IQCJ: variants seen among roughly 807,000 people sequenced by gnomAD.
The protein encoded by IQCJ is IQ motif containing J.
IQCJ carries 9 observed loss-of-function variants against 11.0 expected under a neutral mutation model. The ratio of observed to expected loss-of-function variants is 0.82; its 90% CI spans 0.49 to 1.43. IQCJ has a LOEUF of 1.43. Among genes scored for constraint, IQCJ ranks in the 40% most tolerant of loss-of-function variants. The probability of loss-of-function intolerance (pLI) is 0.00; values close to 1 mark genes in which losing one functional copy is unlikely to be tolerated. For missense variants in IQCJ, 146 were observed against 133.2 expected (o/e 1.10, Z -0.47); for synonymous variants, 55 against 51.3 (o/e 1.07, Z -0.31).
At chr3:159,155,716 T>C (rs141976576) in intron 1 of IQCJ, among the ~76,000 whole-genome samples, 2,918 of 152,330 alleles carry the variant, frequency 0.019, 52 homozygotes, top group Non-Finnish European at 0.031. Flanking sequence ...CAATTTCAAT[T>C]AGCCTTTTTA....
chr3:159,260,949 G>A (rs780257128), intron 3 of IQCJ, among the ~76,000 whole-genome samples: 7 of 152,100 alleles, frequency 4.6e-5, no homozygotes, highest in Non-Finnish European at 8.8e-5. Context: ...TCAGGGAATT[G>A]GCTACTGACC....
chr3:159,263,386 C>A lies in IQCJ; in HGVS notation c.*655C>A, dbSNP rs1290545932. The A allele has an allele frequency of 3.2e-5, 30 of 951,346 alleles. No homozygotes were observed. Among genetic ancestry groups the A allele is most frequent in the Non-Finnish European group, 3.8e-5 (30 of 798,980 alleles). The allele number at this position is 951,346 out of a possible 1,614,324, so 58.9% of individuals were successfully genotyped here. On this transcript the variant is annotated 3_prime_UTR_variant, in exon 4 of 4. Transcript: ENST00000397832. ...CAGACCACAATTGACCTACAGGCCA[C>A]CAGTTTAAGAAATCTGAGATAGAGA...
chr3:159,188,240 G>C (rs1170854238), intron 1 of IQCJ, among the ~76,000 whole-genome samples: 1 of 152,052 alleles, frequency 6.6e-6, no homozygotes, highest in Non-Finnish European at 1.5e-5. Flanking sequence ...GTGAAACCTT[G>C]TCTCTATTAA....
intron 1 of IQCJ, among the ~76,000 whole-genome samples, chr3:159,105,050 G>C (rs1289059438): frequency 1.3e-5 from 2 of 152,194 alleles, no homozygotes; most frequent in Admixed American, 6.5e-5. Context: ...ATAAACAAAT[G>C]TGTGAATGAA....
chr3:159,256,658 T>C (rs1297185050), intron 3 of IQCJ, among the ~76,000 whole-genome samples: 1 of 152,216 alleles, frequency 6.6e-6, no homozygotes, highest in East Asian at 1.9e-4. Flanking sequence ...TATTAAATTG[T>C]AGTCAGCTTT....
At chr3:159,200,207 C>T (rs567659078) in intron 1 of IQCJ, among the ~76,000 whole-genome samples, 15 of 150,276 alleles carry the variant, frequency 1.0e-4, no homozygotes, top group African/African-American at 3.7e-4. Flanking sequence ...GAGTGGATAA[C>T]ATTGAGATTC....
Position 159,262,590 on chromosome 3 carries a change from C to G in IQCJ, c.198C>G (p.Pro66=). 4 of 1,613,886 alleles carry G rather than the reference C, an allele frequency of 2.5e-6. No homozygotes were observed. The highest frequency in any genetic ancestry group is 3.4e-6 in the Non-Finnish European group (4 of 1,179,832). Residue 66 remains proline, a synonymous_variant, in exon 4 of 4, where the codon CCC becomes CCG. Transcript: ENST00000397832. ...GAGAGTACCTGCAGCGGCAGGAGCC[C>G]CTGGGGAAGAGGAGCCCGTCCCCAC... ...AWREYLQRQE[P]LGKRSPSPPS...
intron 3 of IQCJ, among the ~76,000 whole-genome samples, chr3:159,254,561 C>A (rs1727784521): frequency 1.3e-5 from 2 of 152,184 alleles, no homozygotes; most frequent in African/African-American, 4.8e-5. Flanking sequence ...TAGTCTAGTT[C>A]AGTGACTTTT....
At chr3:159,080,421 C>T (rs1716230872) in intron 1 of IQCJ, among the ~76,000 whole-genome samples, 1 of 152,066 alleles carries the variant, frequency 6.6e-6, no homozygotes, top group Non-Finnish European at 1.5e-5. Context: ...ATCCCTTCTC[C>T]ACCACACTAG....
At chr3:159,191,772 G>A (rs1355998738) in intron 1 of IQCJ, among the ~76,000 whole-genome samples, 1 of 152,184 alleles carries the variant, frequency 6.6e-6, no homozygotes, top group Non-Finnish European at 1.5e-5. Context: ...TCTGGTACAA[G>A]TTAGTATAAA....
chr3:159,223,102 A>G (rs1211423333), intron 1 of IQCJ, among the ~76,000 whole-genome samples: 1 of 152,160 alleles, frequency 6.6e-6, no homozygotes, highest in Non-Finnish European at 1.5e-5. Flanking sequence ...ACTTCCAAGT[A>G]TACAGAGCAC....
At chr3:159,129,750 G>A (rs1448401748) in intron 1 of IQCJ, among the ~76,000 whole-genome samples, 1 of 152,126 alleles carries the variant, frequency 6.6e-6, no homozygotes, top group Non-Finnish European at 1.5e-5. Context: ...CCCTGATGTA[G>A]ATTCATACAC....
chr3:159,126,079 A>G (rs1218824298), intron 1 of IQCJ, among the ~76,000 whole-genome samples: 1 of 152,188 alleles, frequency 6.6e-6, no homozygotes. Flanking sequence ...TTGAAATTCC[A>G]TGTATAAGCT....
intron 1 of IQCJ, among the ~76,000 whole-genome samples, chr3:159,108,926 T>C (rs1196715957): frequency 6.6e-6 from 1 of 152,172 alleles, no homozygotes; most frequent in Non-Finnish European, 1.5e-5. Flanking sequence ...GTGGGTTTTG[T>C]GTGGGAAAGA....
At chr3:159,193,863 G>A (rs1723833378) in intron 1 of IQCJ, among the ~76,000 whole-genome samples, 1 of 152,170 alleles carries the variant, frequency 6.6e-6, no homozygotes, top group Non-Finnish European at 1.5e-5. Flanking sequence ...TCTGGCTTAT[G>A]TGTACTCTCC....
chr3:159,132,261 C>T (rs1202763851), intron 1 of IQCJ, among the ~76,000 whole-genome samples: 13 of 152,236 alleles, frequency 8.5e-5, no homozygotes, highest in African/African-American at 2.6e-4. Context: ...CTTTTTCATA[C>T]ATAACCCAAT....
At chr3:159,246,890 T>C (rs1196535743) in intron 2 of IQCJ, among the ~76,000 whole-genome samples, 1 of 152,108 alleles carries the variant, frequency 6.6e-6, no homozygotes, top group Non-Finnish European at 1.5e-5. Flanking sequence ...GAAACAGCAT[T>C]GTGACTCAGA....
At chr3:159,266,219 A>G (rs2108245535), downstream of IQCJ, 2 of 152,284 alleles carry the variant, frequency 1.3e-5, no homozygotes, top group South Asian at 4.1e-4. Context: ...GGAGCTCCAT[A>G]TTTTATTCTT....
At chr3:159,119,979 G>T (rs769136385) in intron 1 of IQCJ, among the ~76,000 whole-genome samples, 6 of 152,136 alleles carry the variant, frequency 3.9e-5, no homozygotes, top group Non-Finnish European at 8.8e-5. Flanking sequence ...TTATTTTTTA[G>T]AATTGTATAT....
Sources: allele counts gnomAD v4.1 joint callset (sites outside exome capture counted in the v4.1 genomes callset), GRCh38; gene constraint gnomAD v4.1.1; transcripts MANE v1.5; gene names NCBI Gene and HGNC (gene_info 2026-07-23, HGNC 2026-07-21).